Variants in RGS6 observed in about 807,000 individuals in gnomAD.
The protein encoded by RGS6 is regulator of G protein signaling 6.
RGS6 carries 30 observed loss-of-function variants against 78.5 expected under a neutral mutation model. That is an observed-to-expected ratio of 0.38 (90% CI 0.29 to 0.52). The LOEUF (loss-of-function observed/expected upper bound fraction) is 0.52, where lower values mean the gene tolerates loss of function less well. Ranked by LOEUF, RGS6 falls within the 20% of genes least tolerant of loss-of-function variation. The probability of loss-of-function intolerance (pLI) is 0.85; values close to 1 mark genes in which losing one functional copy is unlikely to be tolerated. For missense variants in RGS6, 495 were observed against 609.7 expected (o/e 0.81, Z 1.98); for synonymous variants, 206 against 206.0 (o/e 1.00, Z 0.00).
chr14:72,266,010 A>T (rs559271579), intron 2 of RGS6, among the ~76,000 whole-genome samples: 2 of 151,684 alleles, frequency 1.3e-5, no homozygotes, highest in African/African-American at 4.8e-5. Context: ...TGTATGCTCT[A>T]TAGCAAACTA....
At chr14:72,241,565 T>C (rs1222544024) in intron 2 of RGS6, among the ~76,000 whole-genome samples, 1 of 152,252 alleles carries the variant, frequency 6.6e-6, no homozygotes. Context: ...TTTCCAAGCA[T>C]ATATCAAATA....
chr14:72,315,140 C>T (rs1453217538), intron 2 of RGS6, among the ~76,000 whole-genome samples: 2 of 46,558 alleles, frequency 4.3e-5, no homozygotes, highest in Non-Finnish European at 7.9e-5. Context: ...GAGTTTAAAA[C>T]ATATGTAAAT....
chr14:72,313,008 A>G (rs980953207), intron 2 of RGS6, among the ~76,000 whole-genome samples: 4 of 152,216 alleles, frequency 2.6e-5, no homozygotes, highest in African/African-American at 9.7e-5. Context: ...GCATTAACAC[A>G]GAATGACCTT....
chr14:72,574,455 A>G, the RGS6 span, among the ~76,000 whole-genome samples: 1 of 152,180 alleles, frequency 6.6e-6, no homozygotes, highest in African/African-American at 2.4e-5. Flanking sequence ...AAGATAGTTA[A>G]GAGTGAGGCC....
the RGS6 span, chr14:72,629,847 A>G: frequency 2.2e-6 from 2 of 895,172 alleles, no homozygotes; most frequent in Non-Finnish European, 3.5e-6. Context: ...GCAGGGTAGC[A>G]TGACGTAGGG....
intron 2 of RGS6, among the ~76,000 whole-genome samples, chr14:72,014,617 C>T (rs189613737): frequency 2.0e-4 from 31 of 152,294 alleles, no homozygotes; most frequent in African/African-American, 7.2e-4. Context: ...TTGTTCTAAA[C>T]ATGATTTCCT....
intron 2 of RGS6, among the ~76,000 whole-genome samples, chr14:71,983,994 C>T (rs1489327948): frequency 2.6e-5 from 4 of 152,156 alleles, no homozygotes; most frequent in African/African-American, 9.7e-5. Context: ...GGCACACAGT[C>T]TCTGTCCTAG....
intron 2 of RGS6, among the ~76,000 whole-genome samples, chr14:72,151,916 T>G (rs763729409): frequency 5.9e-5 from 9 of 152,108 alleles, no homozygotes; most frequent in Non-Finnish European, 1.3e-4. Flanking sequence ...ATTCTTGGAG[T>G]CAGGTGTGGG....
chr14:72,387,283 C>T (rs889951969), intron 3 of RGS6, among the ~76,000 whole-genome samples: 10 of 152,128 alleles, frequency 6.6e-5, no homozygotes, highest in African/African-American at 2.4e-4. Context: ...GGCGCGGTGG[C>T]TGGCGCGCCT....
chr14:72,378,027 A>G (rs971764649), intron 3 of RGS6, among the ~76,000 whole-genome samples: 3 of 152,202 alleles, frequency 2.0e-5, no homozygotes, highest in South Asian at 4.1e-4. Context: ...TCTGACCGCA[A>G]TGGAATAAAA....
chr14:72,246,905 C>CA (rs10534194), intron 2 of RGS6, among the ~76,000 whole-genome samples: 98 of 145,386 alleles, frequency 6.7e-4, no homozygotes, highest in Non-Finnish European at 1.2e-3. Flanking sequence ...GACTCCATCT[C>CA]AAAAAAAAAA....
chr14:71,874,850 G>T, the RGS6 span, among the ~76,000 whole-genome samples: 3 of 152,176 alleles, frequency 2.0e-5, no homozygotes, highest in Admixed American at 6.5e-5. Flanking sequence ...TTTTTAGCAT[G>T]AAGGGCTGTT....
intron 2 of RGS6, among the ~76,000 whole-genome samples, chr14:72,220,684 C>T (rs1449508633): frequency 6.6e-6 from 1 of 152,142 alleles, no homozygotes; most frequent in Non-Finnish European, 1.5e-5. Context: ...ATAAAACAGG[C>T]TCAAGGTTTT....
At chr14:72,035,586 G>A (rs779627643) in intron 2 of RGS6, among the ~76,000 whole-genome samples, 17 of 152,010 alleles carry the variant, frequency 1.1e-4, no homozygotes, top group Non-Finnish European at 2.4e-4. Flanking sequence ...CCTTGTTAAC[G>A]TAGGTATTTA....
chr14:72,030,094 T>G (rs2090594908), intron 2 of RGS6, among the ~76,000 whole-genome samples: 1 of 152,220 alleles, frequency 6.6e-6, no homozygotes, highest in Non-Finnish European at 1.5e-5. Flanking sequence ...AATATTAGTC[T>G]TTAATAAGTT....
chr14:72,621,629 A>G, the RGS6 span, among the ~76,000 whole-genome samples: 2 of 152,218 alleles, frequency 1.3e-5, no homozygotes, highest in East Asian at 1.9e-4. Context: ...ACTAGCTGCT[A>G]TGTAAGAGTA....
chr14:72,004,862 G>A (rs1435110881), intron 2 of RGS6, among the ~76,000 whole-genome samples: 1 of 151,272 alleles, frequency 6.6e-6, no homozygotes. Flanking sequence ...AAACATAAAA[G>A]AAGGCATTCT....
At chr14:72,160,694 A>G (rs2096840864) in intron 2 of RGS6, among the ~76,000 whole-genome samples, 1 of 152,226 alleles carries the variant, frequency 6.6e-6, no homozygotes, top group African/African-American at 2.4e-5. Flanking sequence ...GGAGAGATAC[A>G]AGGGATGCAC....
At chr14:72,308,358 A>G (rs2152445205) in intron 2 of RGS6, among the ~76,000 whole-genome samples, 1 of 152,278 alleles carries the variant, frequency 6.6e-6, no homozygotes, top group South Asian at 2.1e-4. Context: ...CCTTCTTCCA[A>G]AGCCCCCTGT....
Sources: gnomAD v4.1 joint callset for allele counts (sites outside exome capture counted in the v4.1 genomes callset) on GRCh38, gnomAD v4.1.1 for gene constraint, MANE v1.5 for transcripts, NCBI Gene and HGNC (gene_info 2026-07-23, HGNC 2026-07-21) for gene names.